Variants in TSPEAR observed in about 807,000 individuals in gnomAD.
TSPEAR encodes thrombospondin type laminin G domain and EAR repeats, also known as thrombospondin-type laminin G domain and EAR repeat-containing protein.
In TSPEAR, 69 loss-of-function variants were observed where a neutral mutation model predicts 71.6. That is an observed-to-expected ratio of 0.96 (90% CI 0.79 to 1.18). The LOEUF is 1.18. Ranked by LOEUF, TSPEAR falls within the 50% of genes most tolerant of loss-of-function variation. The pLI, the probability that TSPEAR is intolerant of heterozygous loss-of-function variation, is 0.00. For synonymous variants in TSPEAR, 402 were observed against 387.2 expected (o/e 1.04, Z -0.45); for missense variants, 971 against 894.9 (o/e 1.09, Z -1.09).
Position 44,702,284 on chromosome 21 carries a change from C to A in TSPEAR, c.82+9149G>T, listed in dbSNP as rs183100465. 2.1e-3 allele frequency: 3,359 copies of A among 1,609,114 alleles called. 6 individuals are homozygous for A. The highest frequency in any genetic ancestry group is 2.6e-3 in the Non-Finnish European group (3,032 of 1,178,706). On this transcript the variant is annotated intron_variant, in intron 1 of 11. Coordinates refer to ENST00000323084, the MANE Select transcript of TSPEAR (RefSeq NM_144991.3). ...TGCCCGGAGAGCTGCTGCGAGCCCC[C>A]CTGCTGCGCCGCCAGCTGCTGTGCC...
chr21:44,544,224 A>G (rs2053265319), intron 2 of TSPEAR, among the ~76,000 whole-genome samples: 1 of 152,184 alleles, frequency 6.6e-6, no homozygotes, highest in South Asian at 2.1e-4. Flanking sequence ...TTTAAGTCAT[A>G]TATTATATGG....
At chr21:44,686,123 A>T (rs1295088996) in intron 1 of TSPEAR, among the ~76,000 whole-genome samples, 6 of 152,080 alleles carry the variant, frequency 3.9e-5, no homozygotes, top group African/African-American at 9.7e-5. Flanking sequence ...CATTTGCAAC[A>T]GGGGGACCTT....
chr21:44,577,203 C>T lies in TSPEAR; in HGVS notation c.83-9198G>A, dbSNP rs587748799. On this transcript the variant is annotated intron_variant, in intron 1 of 11. Coordinates refer to ENST00000323084, the MANE Select transcript of TSPEAR (RefSeq NM_144991.3). ...AGAAGAAGGCCTAAAATCAGTTGTCCGAGCTTCCAGCTTAAGAAGCTAAAG... is the reference window on the plus strand; with the variant it reads ...AGAAGAAGGCCTAAAATCAGTTGTCTGAGCTTCCAGCTTAAGAAGCTAAAG... 1.1e-3 allele frequency among the ~76,000 whole-genome samples: 171 copies of T among 152,230 alleles called. 2 individuals are homozygous for T. Among genetic ancestry groups the T allele is most frequent in the Non-Finnish European group, 1.7e-3 (116 of 68,018 alleles).
intron 1 of TSPEAR, among the ~76,000 whole-genome samples, chr21:44,709,934 T>C (rs1988131001): frequency 6.6e-6 from 1 of 152,248 alleles, no homozygotes; most frequent in African/African-American, 2.4e-5. Context: ...TATTTATAAC[T>C]GGGTCATCTT....
intron 1 of TSPEAR, chr21:44,627,907 C>A: frequency 6.6e-7 from 1 of 1,520,568 alleles, no homozygotes; most frequent in African/African-American, 1.4e-5. Flanking sequence ...CTGCTGCGTG[C>A]CCGTCTCCTC....
chr21:44,584,829 G>T (rs1365246164), intron 1 of TSPEAR, among the ~76,000 whole-genome samples: 1 of 152,080 alleles, frequency 6.6e-6, no homozygotes, highest in East Asian at 1.9e-4. Context: ...ATATTTTCCT[G>T]GACATCATTG....
intron 2 of TSPEAR, among the ~76,000 whole-genome samples, chr21:44,548,452 G>T (rs1357394280): frequency 6.6e-6 from 1 of 152,182 alleles, no homozygotes; most frequent in African/African-American, 2.4e-5. Context: ...GGGGTGGGTG[G>T]GTGGACGGCA....
intron 9 of TSPEAR, 81 bp from the exon 10 acceptor site, chr21:44,509,467 G>C (rs1439695824): frequency 1.3e-5 from 12 of 923,382 alleles, no homozygotes; most frequent in Non-Finnish European, 1.9e-5. Context: ...AGGTGTGGGG[G>C]AGCGGGCGCA....
At position 44,687,505 on chromosome 21, in the gene TSPEAR, C is replaced by T. The variant is rs915907498; in HGVS notation, c.82+23928G>A. ...CAACAGGAACGCATCGCAGAAACAC[C>T]GCGCGGGGTGGGAGAGGCCGGCACC... On this transcript the variant is annotated intron_variant, in intron 1 of 11. Coordinates refer to ENST00000323084, the MANE Select transcript of TSPEAR (RefSeq NM_144991.3). This position sits in a 1 kb window ranked among gnomAD's most constrained non-coding sequence, Gnocchi z 4.4. 6.6e-6 allele frequency among the ~76,000 whole-genome samples: 1 copy of T among 152,200 alleles called. No homozygotes were observed. The highest frequency in any genetic ancestry group is 1.5e-5 in the Non-Finnish European group (1 of 68,034).
rs782681112 is a variant in TSPEAR, at chr21:44,521,983, A to C, written c.1466T>G (p.Phe489Cys). The C allele has an allele frequency of 6.2e-7, 1 of 1,614,014 alleles. No homozygotes were observed. The highest frequency in any genetic ancestry group is 1.3e-5 in the African/African-American group (1 of 74,982). Reference protein sequence around the residue: ...WEFFSVGPYSFLVVANTFNGT... With the variant: ...WEFFSVGPYSCLVVANTFNGT... ...GTTGAAGGTGTTGGCCACCACCAGG[A>C]ACGAGTAGGGCCCCACACTGAAGAA... Residue 489 changes from phenylalanine (F) to cysteine (C), a missense_variant, in exon 9 of 12, where the codon TTC becomes TGC. Phe to Cys is a radical substitution (Grantham distance 205). Transcript: ENST00000323084.
rs782314776 is a variant in TSPEAR at position 44,637,802 on chromosome 21, C to A, written c.83-69797G>T. ...CGAGTCTTCCCCTTCATGCTGCCAG[C>A]AGTCTAGCTGCCAGCCAACTTGCTG... On this transcript the variant is annotated intron_variant, in intron 1 of 11. Transcript: ENST00000323084. 7 of 1,368,216 alleles carry A rather than the reference C, an allele frequency of 5.1e-6. No homozygotes were observed. The South Asian group carries it at 8.1e-5, about 16-fold the overall frequency. 84.8% of individuals were successfully genotyped at this position (1,368,216 alleles called of 1,614,324 possible). A position where few individuals can be genotyped will look rare whatever the true frequency, so the allele number is the denominator to read the frequency against.
At chr21:44,525,932 C>T (rs2052846791) in intron 7 of TSPEAR, 93 bp from the exon 8 acceptor site, 7 of 1,284,190 alleles carry the variant, frequency 5.5e-6, no homozygotes, top group Non-Finnish European at 7.8e-6. Flanking sequence ...CATCTCTCTC[C>T]AGATCCACGG....
intron 9 of TSPEAR, chr21:44,515,464 C>T (rs913304041): frequency 2.0e-5 from 3 of 152,412 alleles, no homozygotes; most frequent in Non-Finnish European, 2.9e-5. Context: ...TGGTCCTGCT[C>T]TAGCCCCTGC....
At chr21:44,666,799 A>C (rs782563819) in intron 1 of TSPEAR, 25 of 1,611,550 alleles carry the variant, frequency 1.6e-5, no homozygotes, top group Non-Finnish European at 2.0e-5. Context: ...GATGCCTGGC[A>C]GGAGCTGGGC....
At chr21:44,521,106 C>G (rs2052724626) in intron 9 of TSPEAR, among the ~76,000 whole-genome samples, 1 of 152,190 alleles carries the variant, frequency 6.6e-6, no homozygotes, top group East Asian at 1.9e-4. Context: ...CAGAAGGACA[C>G]CAGGGAGGTG....
At chr21:44,704,904 C>A (rs1987837154) in intron 1 of TSPEAR, among the ~76,000 whole-genome samples, 1 of 152,136 alleles carries the variant, frequency 6.6e-6, no homozygotes, top group East Asian at 1.9e-4. Context: ...TACAAAGGAG[C>A]CCTGGCTGCC....
rs1221789317 is a variant in TSPEAR, at chr21:44,623,519, T to TA, written c.83-55515dup. On this transcript the variant is annotated intron_variant, in intron 1 of 11. Transcript: ENST00000323084. The surrounding 1 kb of genome is among the most constrained non-coding windows in gnomAD (Gnocchi z 4.5). Reference sequence around the variant, plus strand: ...TTTCCCCATGTTGTCCTCCTTTTGTTACACTTCATTTCCTTTTCGACTTCT... The same window carrying TA: ...TTTCCCCATGTTGTCCTCCTTTTGTTAACACTTCATTTCCTTTTCGACTTCT... 6.6e-6 allele frequency among the ~76,000 whole-genome samples: 1 copy of TA among 152,260 alleles called. No homozygotes were observed. Among genetic ancestry groups the TA allele is most frequent in the Non-Finnish European group, 1.5e-5 (1 of 68,042 alleles).
At chr21:44,601,896 A>G in intron 1 of TSPEAR, 1 of 1,028,302 alleles carries the variant, frequency 9.7e-7, no homozygotes, top group African/African-American at 1.6e-5. Context: ...GAAGCAGCTC[A>G]GCTGTTTCTC....
intron 11 of TSPEAR, among the ~76,000 whole-genome samples, chr21:44,501,669 G>A (rs1256875036): frequency 6.6e-6 from 1 of 152,232 alleles, no homozygotes; most frequent in Non-Finnish European, 1.5e-5. Context: ...GGAGGCTGAG[G>A]TGGGAGGATT....
Sources: allele counts gnomAD v4.1 joint callset (sites outside exome capture counted in the v4.1 genomes callset), GRCh38; gene constraint gnomAD v4.1.1; non-coding constraint Gnocchi (gnomAD v3.1); transcripts MANE v1.5; gene names NCBI Gene and HGNC (gene_info 2026-07-23, HGNC 2026-07-21).